Variants in NKAIN2 observed in about 807,000 individuals in gnomAD.
NKAIN2 encodes sodium/potassium-transporting ATPase subunit beta-1-interacting protein 2.
Under a neutral mutation model 32.6 loss-of-function variants are expected in NKAIN2, and 14 were observed. That is an observed-to-expected ratio of 0.43 (90% CI 0.28 to 0.67). The LOEUF (loss-of-function observed/expected upper bound fraction) is 0.67, where lower values mean the gene tolerates loss of function less well. NKAIN2 is among the 30% of genes least tolerant of loss of function. The probability of loss-of-function intolerance (pLI) is 0.17; values close to 1 mark genes in which losing one functional copy is unlikely to be tolerated. For missense variants in NKAIN2, 198 were observed against 258.3 expected (o/e 0.77, Z 1.60); for synonymous variants, 80 against 87.2 (o/e 0.92, Z 0.46).
At chr6:124,331,436 G>A (rs1313414100) in intron 2 of NKAIN2, among the ~76,000 whole-genome samples, 1 of 148,278 alleles carries the variant, frequency 6.7e-6, no homozygotes, top group Non-Finnish European at 1.5e-5. Flanking sequence ...GGCCGAGGCA[G>A]GAGAATGGCG....
At chr6:124,733,951 C>T (rs1776809704) in intron 4 of NKAIN2, among the ~76,000 whole-genome samples, 1 of 151,488 alleles carries the variant, frequency 6.6e-6, no homozygotes, top group Admixed American at 6.6e-5. Flanking sequence ...TGGTTTCTAA[C>T]ACCAGTCTTC....
At chr6:124,077,961 A>G (rs1274215980) in intron 1 of NKAIN2, among the ~76,000 whole-genome samples, 1 of 152,154 alleles carries the variant, frequency 6.6e-6, no homozygotes, top group Non-Finnish European at 1.5e-5. Context: ...TTAGGGAATT[A>G]TTTAAAATAC....
chr6:124,019,541 A>T (rs1487206140), intron 1 of NKAIN2, among the ~76,000 whole-genome samples: 6 of 152,170 alleles, frequency 3.9e-5, no homozygotes. Flanking sequence ...CTAAATCTTT[A>T]TGAGTCTACT....
At chr6:124,300,013 G>T (rs1210506967) in intron 2 of NKAIN2, among the ~76,000 whole-genome samples, 1 of 152,122 alleles carries the variant, frequency 6.6e-6, no homozygotes, top group Non-Finnish European at 1.5e-5. Flanking sequence ...AGGCAGAGTT[G>T]GGTGACCCAG....
chr6:124,326,462 C>T (rs1797415105), intron 2 of NKAIN2, among the ~76,000 whole-genome samples: 2 of 152,056 alleles, frequency 1.3e-5, no homozygotes, highest in Non-Finnish European at 2.9e-5. Context: ...TCTGTGTAGC[C>T]ATGTCTCTGC....
chr6:124,032,180 A>G (rs1042137358), intron 1 of NKAIN2, among the ~76,000 whole-genome samples: 2 of 146,518 alleles, frequency 1.4e-5, no homozygotes, highest in African/African-American at 5.0e-5. Flanking sequence ...ACCAAACCAC[A>G]TGTTCTCACT....
chr6:124,415,848 C>A (rs1392080612), intron 3 of NKAIN2, among the ~76,000 whole-genome samples: 2 of 97,998 alleles, frequency 2.0e-5, no homozygotes, highest in East Asian at 5.9e-4. Flanking sequence ...TTTTTATTTG[C>A]TTTTTTTTTT....
chr6:124,546,132 T>C (rs890784775), intron 3 of NKAIN2, among the ~76,000 whole-genome samples: 3 of 152,226 alleles, frequency 2.0e-5, no homozygotes, highest in Non-Finnish European at 4.4e-5. Flanking sequence ...GCAAGTTATA[T>C]TGTTAACCTC....
intron 2 of NKAIN2, among the ~76,000 whole-genome samples, chr6:124,289,291 T>C (rs1292689151): frequency 6.6e-6 from 1 of 152,214 alleles, no homozygotes; most frequent in Non-Finnish European, 1.5e-5. Context: ...CATATGGTAG[T>C]TGGTGGCTGT....
intron 3 of NKAIN2, among the ~76,000 whole-genome samples, chr6:124,578,867 CAGAA>C (rs1386231212): frequency 6.6e-6 from 1 of 151,958 alleles, no homozygotes; most frequent in Non-Finnish European, 1.5e-5. Context: ...CAGAAAGAGA[CAGAA>C]AGAGAGATAG....
chr6:124,117,617 C>T (rs1009650469), intron 1 of NKAIN2, among the ~76,000 whole-genome samples: 34 of 151,980 alleles, frequency 2.2e-4, no homozygotes, highest in African/African-American at 8.2e-4. Flanking sequence ...CAAACCTGCA[C>T]GTTGTGCACA....
At chr6:124,450,077 A>G (rs1186683275) in intron 3 of NKAIN2, among the ~76,000 whole-genome samples, 1 of 152,134 alleles carries the variant, frequency 6.6e-6, no homozygotes, top group Admixed American at 6.6e-5. Flanking sequence ...TTATAACTGA[A>G]GAGAAAATAC....
intron 1 of NKAIN2, among the ~76,000 whole-genome samples, chr6:123,923,526 G>C (rs894072314): frequency 2.0e-5 from 3 of 151,762 alleles, no homozygotes; most frequent in Non-Finnish European, 4.4e-5. Flanking sequence ...CAATAGCAAA[G>C]ACTTGGAACC....
At chr6:124,270,357 A>G (rs963555814) in intron 1 of NKAIN2, among the ~76,000 whole-genome samples, 3 of 152,174 alleles carry the variant, frequency 2.0e-5, no homozygotes, top group Admixed American at 1.3e-4. Context: ...AGCTGTCTAT[A>G]CATTGTTTCT....
chr6:124,335,790 G>A (rs763444899), intron 2 of NKAIN2, among the ~76,000 whole-genome samples: 1 of 151,968 alleles, frequency 6.6e-6, no homozygotes, highest in Non-Finnish European at 1.5e-5. Context: ...TATTTCCAAT[G>A]AGACATCTAA....
intron 1 of NKAIN2, among the ~76,000 whole-genome samples, chr6:123,952,588 T>G (rs1777379731): frequency 6.6e-6 from 1 of 152,186 alleles, no homozygotes; most frequent in African/African-American, 2.4e-5. Flanking sequence ...AAAACATTCT[T>G]TTTAATTTGT....
chr6:124,275,772 T>C (rs560546420), intron 1 of NKAIN2, among the ~76,000 whole-genome samples: 2 of 152,236 alleles, frequency 1.3e-5, no homozygotes, highest in South Asian at 2.1e-4. Context: ...AGAACACAAA[T>C]ATAGAATGAT....
chr6:124,537,300 C>T (rs1449765672), intron 3 of NKAIN2, among the ~76,000 whole-genome samples: 2 of 152,136 alleles, frequency 1.3e-5, no homozygotes, highest in African/African-American at 4.8e-5. Context: ...AATCTGATGA[C>T]CCTGAACTTA....
intron 3 of NKAIN2, among the ~76,000 whole-genome samples, chr6:124,395,613 A>G (rs1773344795): frequency 6.6e-6 from 1 of 152,196 alleles, no homozygotes; most frequent in Admixed American, 6.5e-5. Flanking sequence ...GAAACTTAGC[A>G]TGTGAGTTAG....
Sources: allele counts gnomAD v4.1 joint callset (sites outside exome capture counted in the v4.1 genomes callset), GRCh38; gene constraint gnomAD v4.1.1; transcripts MANE v1.5; gene names NCBI Gene and HGNC (gene_info 2026-07-23, HGNC 2026-07-21).